TLK1: variants seen among roughly 807,000 people sequenced by gnomAD.
TLK1 encodes tousled like kinase 1, also known as serine/threonine-protein kinase tousled-like 1.
Under a neutral mutation model 105.3 loss-of-function variants are expected in TLK1, and 24 were observed. The ratio of observed to expected loss-of-function variants is 0.23; its 90% CI spans 0.17 to 0.32. The LOEUF (loss-of-function observed/expected upper bound fraction) is 0.32. TLK1 is among the 10% of genes least tolerant of loss of function. The pLI is 1.00. For synonymous variants in TLK1, 321 were observed against 310.4 expected (o/e 1.03, Z -0.36); for missense variants, 558 against 910.5 (o/e 0.61, Z 4.98).
chr2:171,080,281 T>C (rs1688691908), intron 3 of TLK1, among the ~76,000 whole-genome samples: 1 of 151,592 alleles, frequency 6.6e-6, no homozygotes, highest in Non-Finnish European at 1.5e-5. Context: ...TGTAGTAAAT[T>C]GGAGAATGGA....
chr2:171,200,839 T>C (rs1216073953), intron 1 of TLK1, among the ~76,000 whole-genome samples: 1 of 151,934 alleles, frequency 6.6e-6, no homozygotes, highest in Non-Finnish European at 1.5e-5. Flanking sequence ...ATTTAAAAAT[T>C]GCTCCTGACA....
At chr2:171,225,460 A>AT (rs1475592141) in intron 1 of TLK1, among the ~76,000 whole-genome samples, 1 of 152,170 alleles carries the variant, frequency 6.6e-6, no homozygotes, top group Non-Finnish European at 1.5e-5. Flanking sequence ...GGGAAAAAAA[A>AT]GGAAAAAGGC....
chr2:171,097,152 A>G (rs918571048), intron 2 of TLK1, among the ~76,000 whole-genome samples: 5 of 152,240 alleles, frequency 3.3e-5, no homozygotes, highest in Admixed American at 3.3e-4. Context: ...GGAACACAAC[A>G]GAGAGCCCAG....
chr2:171,113,921 TCTAA>T (rs768764151), intron 2 of TLK1, among the ~76,000 whole-genome samples: 19 of 152,312 alleles, frequency 1.2e-4, no homozygotes, highest in African/African-American at 3.6e-4. Context: ...TTTGAGCCAT[TCTAA>T]CTATTTGTAA....
intron 2 of TLK1, among the ~76,000 whole-genome samples, chr2:171,098,146 T>C (rs1689530878): frequency 6.6e-6 from 1 of 151,450 alleles, no homozygotes; most frequent in South Asian, 2.1e-4. Context: ...GTACAAAGGT[T>C]CATCTACACT....
At chr2:171,056,685 A>T in intron 5 of TLK1, 119 bp from the exon 6 acceptor site, 1 of 700,646 alleles carries the variant, frequency 1.4e-6, no homozygotes, top group Non-Finnish European at 2.2e-6. Flanking sequence ...AGTCATTTAA[A>T]TGGGTCCAGA....
At chr2:171,138,718 G>C (rs924161642) in intron 1 of TLK1, among the ~76,000 whole-genome samples, 1 of 152,074 alleles carries the variant, frequency 6.6e-6, no homozygotes, top group Non-Finnish European at 1.5e-5. Flanking sequence ...TAATCTCTTG[G>C]TAATCAAATA....
chr2:171,086,964 A>T (rs553762102), intron 2 of TLK1, among the ~76,000 whole-genome samples: 1 of 152,300 alleles, frequency 6.6e-6, no homozygotes, highest in East Asian at 1.9e-4. Flanking sequence ...AGCAGCCTAG[A>T]TAAGACTAAA....
rs772781349 is a variant in TLK1 at position 171,046,257 on chromosome 2, G to T, written c.1086C>A (p.Thr362=). ...PTANNSQAPS[T]NSEPKQRKNK... ...TTTTCCTTTGTTTTGGTTCAGAATT[G>T]GTAGAGGGTGCCTGAGAATTATTAG... The change falls in exon 11 of 21, where the codon ACC becomes ACA. Residue 362 remains threonine (T), a synonymous_variant. Coordinates refer to ENST00000431350, the MANE Select transcript of TLK1 (RefSeq NM_012290.5). The T allele has an allele frequency of 6.2e-7, 1 of 1,613,624 alleles. No homozygotes were observed. Among genetic ancestry groups the T allele is most frequent in the South Asian group, 1.1e-5 (1 of 91,036 alleles).
At chr2:171,087,550 T>A (rs578168990) in intron 2 of TLK1, among the ~76,000 whole-genome samples, 6 of 152,194 alleles carry the variant, frequency 3.9e-5, no homozygotes, top group African/African-American at 1.4e-4. Context: ...AAAAAAATAT[T>A]TGAAAAAATG....
chr2:171,069,972 GA>G (rs1401836905), intron 3 of TLK1, among the ~76,000 whole-genome samples: 8 of 152,260 alleles, frequency 5.3e-5, no homozygotes, highest in African/African-American at 1.9e-4. Flanking sequence ...TGTATACTAG[GA>G]AATGCTAGCA....
chr2:171,147,740 T>C (rs1250184283), intron 1 of TLK1, among the ~76,000 whole-genome samples: 1 of 152,224 alleles, frequency 6.6e-6, no homozygotes, highest in African/African-American at 2.4e-5. Context: ...AGATTTCAAA[T>C]GATATCCTAA....
intron 12 of TLK1, among the ~76,000 whole-genome samples, chr2:171,018,355 C>T (rs929349184): frequency 6.6e-6 from 1 of 152,234 alleles, no homozygotes; most frequent in Non-Finnish European, 1.5e-5. Flanking sequence ...TTTGTTATGG[C>T]CAACACACAT....
chr2:171,156,998 G>T (rs1421050986), intron 1 of TLK1, among the ~76,000 whole-genome samples: 2 of 152,028 alleles, frequency 1.3e-5, no homozygotes, highest in Non-Finnish European at 2.9e-5. Flanking sequence ...TAGAGACAGG[G>T]TTTCACCATG....
chr2:171,114,924 A>T (rs987175426), intron 2 of TLK1, among the ~76,000 whole-genome samples: 2 of 152,192 alleles, frequency 1.3e-5, no homozygotes, highest in African/African-American at 4.8e-5. Flanking sequence ...ACAGTCCTAT[A>T]AACACCATGG....
At chr2:171,222,883 C>T (rs751257711) in intron 1 of TLK1, among the ~76,000 whole-genome samples, 1 of 152,064 alleles carries the variant, frequency 6.6e-6, no homozygotes, top group African/African-American at 2.4e-5. Flanking sequence ...GGTGCAATCT[C>T]GGCTCACTGC....
At chr2:171,184,659 A>G (rs200588885) in intron 1 of TLK1, among the ~76,000 whole-genome samples, 4 of 144,236 alleles carry the variant, frequency 2.8e-5, no homozygotes, top group South Asian at 4.5e-4. Context: ...AAAAAAAAAA[A>G]GAAAGAAAAC....
At chr2:171,117,041 A>ATT (rs1690462604) in intron 2 of TLK1, among the ~76,000 whole-genome samples, 1 of 152,228 alleles carries the variant, frequency 6.6e-6, no homozygotes, top group Non-Finnish European at 1.5e-5. Context: ...TGAAAGGCTG[A>ATT]ACACAGCAAT....
At chr2:171,222,900 C>T (rs759254832) in intron 1 of TLK1, among the ~76,000 whole-genome samples, 7 of 152,126 alleles carry the variant, frequency 4.6e-5, no homozygotes, top group Non-Finnish European at 7.3e-5. Flanking sequence ...CTGCAACCTC[C>T]GCTTCCCAGG....
Sources: allele counts gnomAD v4.1 joint callset (sites outside exome capture counted in the v4.1 genomes callset), GRCh38; gene constraint gnomAD v4.1.1; transcripts MANE v1.5; gene names NCBI Gene and HGNC (gene_info 2026-07-23, HGNC 2026-07-21).